Variants in E2F8 observed in about 807,000 individuals in gnomAD.
The protein encoded by E2F8 is transcription factor E2F8.
A neutral mutation model predicts 80.8 loss-of-function variants in E2F8; 35 were observed. The observed-to-expected ratio is 0.43, with a 90% confidence interval of 0.33 to 0.57. E2F8 has a LOEUF of 0.57. Ranked by LOEUF, E2F8 falls within the 20% of genes least tolerant of loss-of-function variation. The pLI is 0.04. For missense variants in E2F8, 975 were observed against 1,056.2 expected (o/e 0.92, Z 1.07); for synonymous variants, 386 against 395.0 (o/e 0.98, Z 0.27).
chr11:19,227,387 T>C (rs926327334), intron 10 of E2F8, among the ~76,000 whole-genome samples: 4 of 152,226 alleles, frequency 2.6e-5, no homozygotes, highest in African/African-American at 9.7e-5. Context: ...AGTTATATTC[T>C]CTCATGGTAC....
At chr11:19,239,326 C>T (rs1244346645) in intron 2 of E2F8, among the ~76,000 whole-genome samples, 2 of 152,184 alleles carry the variant, frequency 1.3e-5, no homozygotes, top group Non-Finnish European at 2.9e-5. Context: ...ACAGGAGCTC[C>T]TTGCCAGTGT....
Position 19,238,050 on chromosome 11 carries a change from G to A in E2F8, c.98C>T (p.Ala33Val), listed in dbSNP as rs761216828. 2 of 1,614,156 alleles carry A rather than the reference G, an allele frequency of 1.2e-6. No homozygotes were observed. The highest frequency in any genetic ancestry group is 2.2e-5 in the East Asian group (1 of 44,886). The stretch of plus-strand genomic sequence containing the variant: ...AGGGCCAAAGTCAGGCTGGATCTCT[G>A]CCAACACGATATTTGCTGTGGTGGA... ...KESTTANIVLAEIQPDFGPLT... is the reference protein window; with the variant it reads ...KESTTANIVLVEIQPDFGPLT... Residue 33 changes from alanine to valine, a missense_variant, in exon 3 of 13, where the codon GCA (alanine) becomes GTA (valine). By Grantham distance (64) the Ala-to-Val change is moderately conservative. Transcript: ENST00000250024.
rs1851330111 is a variant in E2F8, at chr11:19,229,876, T to G, written c.1471A>C (p.Ile491Leu). ...AGGGGAACCATTCCCAGGGGCTGGA[T>G]GAGGGACGGTGCTGTCAGCTCCATC... Reference protein sequence around the residue: ...AEMELTAPSLIQPLGMVPLIP... With the variant: ...AEMELTAPSLLQPLGMVPLIP... The change falls in exon 10 of 13, where the codon ATC becomes CTC. Residue 491 changes from isoleucine to leucine, a missense_variant. Physicochemically the swap from Ile to Leu is conservative, Grantham distance 5. Transcript: ENST00000250024. This position sits in a 1 kb window ranked among gnomAD's most constrained non-coding sequence, Gnocchi z 4.3. 1.9e-6 allele frequency: 3 copies of G among 1,614,004 alleles called. No homozygotes were observed. Among genetic ancestry groups the G allele is most frequent in the Non-Finnish European group, 2.5e-6 (3 of 1,179,986 alleles).
rs1358399631 is a variant in E2F8, at chr11:19,224,101, TA to T, written c.*556del. ...AGTTTTAATTTGAACAACTTATGATTAAAAATACATTTTATAAATAATTTTT... is the reference window on the plus strand; with the variant it reads ...AGTTTTAATTTGAACAACTTATGATTAAAATACATTTTATAAATAATTTTT... On this transcript the variant is annotated 3_prime_UTR_variant, in exon 13 of 13. Coordinates refer to ENST00000250024, the MANE Select transcript of E2F8 (RefSeq NM_024680.4). The T allele has an allele frequency of 6.6e-6, 1 of 152,500 alleles. No homozygotes were observed. Among genetic ancestry groups the T allele is most frequent in the Non-Finnish European group, 1.5e-5 (1 of 68,042 alleles). The allele number at this position is 152,500 out of a possible 1,614,324, so 9.4% of individuals were successfully genotyped here. A position where few individuals can be genotyped will look rare whatever the true frequency, so the allele number is the denominator to read the frequency against.
In E2F8 at chr11:19,240,640, T is replaced by C. The variant is rs560407286; in HGVS notation, c.-202A>G. On this transcript the variant is annotated 5_prime_UTR_variant, in exon 1 of 13. Transcript: ENST00000250024. ...AAGTAACTGGGTACAAGTCTGCATC[T>C]AGATGCCTGGATTTCTCCCCTTACA... 1 of 152,432 alleles carries C rather than the reference T, an allele frequency of 6.6e-6. No individual in the cohort carries two copies. Among genetic ancestry groups the C allele is most frequent in the South Asian group, 2.1e-4 (1 of 4,830 alleles). 9.4% of individuals were successfully genotyped at this position (152,432 alleles called of 1,614,324 possible). A position where few individuals can be genotyped will look rare whatever the true frequency, so the allele number is the denominator to read the frequency against.
intron 10 of E2F8, 98 bp from the exon 11 acceptor site, chr11:19,225,962 C>G: frequency 7.0e-7 from 1 of 1,435,532 alleles, no homozygotes; most frequent in East Asian, 2.3e-5. Flanking sequence ...GTGGTTGCCT[C>G]ATTGGACCAA....
rs756195991 is a variant in E2F8, at chr11:19,230,709, T to G, written c.1192A>C (p.Ile398Leu). 6.2e-7 allele frequency: 1 copy of G among 1,614,200 alleles called. No individual in the cohort carries two copies. The highest frequency in any genetic ancestry group is 8.5e-7 in the Non-Finnish European group (1 of 1,180,034). Reference protein sequence around the residue: ...KPNFTRHPSLIKLVKSIESDR... With the variant: ...KPNFTRHPSLLKLVKSIESDR... Reference sequence around the variant, plus strand: ...CTTTCTATACTCTTTACCAATTTGATAAGAGATGGGTGTCGAGTAAAGTTT... The same window carrying G: ...CTTTCTATACTCTTTACCAATTTGAGAAGAGATGGGTGTCGAGTAAAGTTT... Residue 398 changes from isoleucine to leucine, a missense_variant, in exon 8 of 13, where the codon ATC (isoleucine) becomes CTC (leucine). Transcript: ENST00000250024.
At chr11:19,238,315 T>C (rs548150563) in intron 2 of E2F8, among the ~76,000 whole-genome samples, 183 bp from the exon 3 acceptor site, 3 of 152,370 alleles carry the variant, frequency 2.0e-5, no homozygotes, top group South Asian at 2.1e-4. Context: ...TCAATTCTAA[T>C]AATTACATTT....
At position 19,233,200 on chromosome 11, in the gene E2F8, C is replaced by T. The variant is rs79520486; in HGVS notation, c.929-829G>A. On this transcript the variant is annotated intron_variant, in intron 6 of 12. Transcript: ENST00000250024. ...TCCCGAGCCAAGTGCTCCTCCCCAT[C>T]CGCTGAGCACTTCTTTCCACACCCT... 5.8e-3 allele frequency among the ~76,000 whole-genome samples: 886 copies of T among 152,292 alleles called. 2 individuals are homozygous for T. The highest frequency in any genetic ancestry group is 9.5e-3 in the Non-Finnish European group (646 of 68,026).
Position 19,225,296 on chromosome 11 carries a change from G to A in E2F8, c.2346C>T (p.Ala782=), listed in dbSNP as rs1260471128. 6.2e-7 allele frequency: 1 copy of A among 1,614,152 alleles called. No individual in the cohort carries two copies. Among genetic ancestry groups the A allele is most frequent in the Admixed American group, 1.7e-5 (1 of 60,030 alleles). ...CTGGGACTGGTGAGTCATAGTTGGT[G>A]GCCCTTCCTTGCTGAGTGCCTGCAT... ...PENAGTQQGR[A]TNYDSPVPGQ... Residue 782 remains alanine (A), a synonymous_variant, in exon 12 of 13, where the codon GCC becomes GCT. Transcript: ENST00000250024.
At chr11:19,235,455 T>C (rs1440968753) in intron 4 of E2F8, among the ~76,000 whole-genome samples, 1 of 152,208 alleles carries the variant, frequency 6.6e-6, no homozygotes, top group African/African-American at 2.4e-5. Context: ...GAGACCATCC[T>C]GGCTAACATG....
chr11:19,230,248 G>C lies in E2F8; in HGVS notation c.1351C>G (p.Gln451Glu). ...AAICKMQLEE[Q>E]SSESRQKVKV... ...AGAGGATTGCCAACCTACCTTGATT[G>C]CTCTTCTAACTGCATTTTACAAATA... is the stretch of plus-strand genomic sequence containing the variant. Residue 451 changes from glutamine to glutamate, a missense_variant, in exon 9 of 13, where the codon CAA becomes GAA. Gln to Glu is a conservative substitution (Grantham distance 29). Coordinates refer to ENST00000250024, the MANE Select transcript of E2F8 (RefSeq NM_024680.4). 1.2e-6 allele frequency: 2 copies of C among 1,612,700 alleles called. No individual in the cohort carries two copies. Among genetic ancestry groups the C allele is most frequent in the Non-Finnish European group, 1.7e-6 (2 of 1,179,700 alleles).
chr11:19,237,938 C>T lies in E2F8; in HGVS notation c.210G>A (p.Val70=). The T allele has an allele frequency of 6.2e-7, 1 of 1,614,090 alleles. No individual in the cohort carries two copies. The change falls in exon 3 of 13, where the codon GTG becomes GTA. Residue 70 remains valine, a synonymous_variant. Transcript: ENST00000250024. ...TANLKMLISA[V]SPEIRNRDQK... ...GATCTCTGTTGCGGATCTCAGGGCT[C>T]ACAGCACTGATGAGCATTTTCAGGT...
chr11:19,229,917 G>A lies in E2F8; in HGVS notation c.1430C>T (p.Pro477Leu). 1 of 1,614,084 alleles carries A rather than the reference G, an allele frequency of 6.2e-7. No homozygotes were observed. The highest frequency in any genetic ancestry group is 8.5e-7 in the Non-Finnish European group (1 of 1,180,004). Residue 477 changes from proline (P) to leucine (L), a missense_variant, in exon 10 of 13, where the codon CCC becomes CTC. By Grantham distance (98) the Pro-to-Leu change is moderately conservative. Transcript: ENST00000250024. The surrounding 1 kb of genome is among the most constrained non-coding windows in gnomAD (Gnocchi z 4.3). ...GPCKPVAPLD[P>L]PVNAEMELTA... ...CAGCTCCATCTCAGCATTCACTGGG[G>A]GGTCCAGAGGGGCTACTGGTTTGCA...
intron 12 of E2F8, 132 bp from the exon 13 acceptor site, chr11:19,224,972 G>A: frequency 8.1e-7 from 1 of 1,235,076 alleles, no homozygotes; most frequent in Non-Finnish European, 1.1e-6. Context: ...ATTGGCGAGG[G>A]AAGCTTTGGT....
intron 4 of E2F8, among the ~76,000 whole-genome samples, chr11:19,235,583 A>C (rs952271939): frequency 6.6e-6 from 1 of 152,110 alleles, no homozygotes. Context: ...CGGGAGGCGG[A>C]GCTTGCAGTG....
chr11:19,224,592 C>T lies in E2F8; in HGVS notation c.*66G>A. ...TTTTCAGAGAATGTGTTCTCCAAATCAGTCTGTGTACATTTTCTCTATTAA... is the reference window on the plus strand; with the variant it reads ...TTTTCAGAGAATGTGTTCTCCAAATTAGTCTGTGTACATTTTCTCTATTAA... On this transcript the variant is annotated 3_prime_UTR_variant, in exon 13 of 13. Transcript: ENST00000250024. 1 of 1,519,844 alleles carries T rather than the reference C, an allele frequency of 6.6e-7. No homozygotes were observed. 94.1% of individuals were successfully genotyped at this position (1,519,844 alleles called of 1,614,324 possible).
chr11:19,234,242 A>G (rs564437097), intron 6 of E2F8, 118 bp downstream of exon 6: 3 of 1,169,020 alleles, frequency 2.6e-6, no homozygotes, highest in African/African-American at 1.5e-5. Flanking sequence ...AGATATAAAA[A>G]CATAATTAGA....
chr11:19,236,532 T>C lies in E2F8; in HGVS notation c.451+782A>G, dbSNP rs909430609. Among the ~76,000 whole-genome samples the C allele has an allele frequency of 3.3e-5, 5 of 152,336 alleles. No homozygotes were observed. The East Asian group carries it at 5.8e-4, about 18-fold the overall frequency. On this transcript the variant is annotated intron_variant, in intron 4 of 12. Coordinates refer to ENST00000250024, the MANE Select transcript of E2F8 (RefSeq NM_024680.4). ...CTGACACATAGTAGTAGAAGATTAATAGATATTTGCTGAATATCCTACCCA... is the reference window on the plus strand; with the variant it reads ...CTGACACATAGTAGTAGAAGATTAACAGATATTTGCTGAATATCCTACCCA...
Sources: gnomAD v4.1 joint callset for allele counts (sites outside exome capture counted in the v4.1 genomes callset) on GRCh38, gnomAD v4.1.1 for gene constraint, Gnocchi (gnomAD v3.1) non-coding constraint, MANE v1.5 for transcripts, NCBI Gene and HGNC (gene_info 2026-07-23, HGNC 2026-07-21) for gene names.